Variants in TNFRSF25 observed in about 807,000 individuals in gnomAD.
TNFRSF25 encodes tumor necrosis factor receptor superfamily member 25.
Under a neutral mutation model 49.4 loss-of-function variants are expected in TNFRSF25, and 28 were observed. The ratio of observed to expected loss-of-function variants is 0.57; its 90% CI spans 0.42 to 0.78. The LOEUF is 0.78. Among genes scored for constraint, TNFRSF25 ranks in the 30% least tolerant of loss-of-function variants. The probability of loss-of-function intolerance (pLI) is 0.00; values close to 1 mark genes in which losing one functional copy is unlikely to be tolerated. For missense variants in TNFRSF25, 531 were observed against 581.6 expected, an observed-to-expected ratio of 0.91 and a Z score of 0.90; for synonymous variants, 240 against 234.2, an observed-to-expected ratio of 1.02 and a Z score of -0.23.
At position 6,464,532 on chromosome 1, in the gene TNFRSF25, C is replaced by A; in HGVS notation, c.463+20G>T. The A allele has an allele frequency of 6.2e-7, 1 of 1,613,726 alleles. No individual in the cohort carries two copies. The highest frequency in any genetic ancestry group is 8.5e-7 in the Non-Finnish European group (1 of 1,179,826). ...GAGAAGGGGGTCTGGGAGTAGAGAG[C>A]CCTGGGTGGGGGTACTCACAGAGTA... On this transcript the variant is annotated intron_variant, in intron 4 of 9. Coordinates refer to ENST00000356876, the MANE Select transcript of TNFRSF25 (RefSeq NM_003790.3).
In TNFRSF25 at chr1:6,466,093, C is replaced by G. The variant is rs773151409; in HGVS notation, c.15G>C (p.Pro5=). Residue 5 remains proline (P), a synonymous_variant, in exon 1 of 10, where the codon CCG becomes CCC. Coordinates refer to ENST00000356876, the MANE Select transcript of TNFRSF25 (RefSeq NM_003790.3). ...CCGCCGCCACCGCCGCGCAGCCCCG[C>G]GGCCGCTGCTCCATAGCCCTCCGAC... MEQR[P]RGCAAVAAAL... 4 of 1,574,112 alleles carry G rather than the reference C, an allele frequency of 2.5e-6. No homozygotes were observed. The highest frequency in any genetic ancestry group is 2.8e-5 in the African/African-American group (2 of 71,632).
chr1:6,461,895 G>A lies in TNFRSF25; in HGVS notation c.925+99C>T, dbSNP rs1325926753. On this transcript the variant is annotated intron_variant, in intron 9 of 9. Transcript: ENST00000356876. This position sits in a 1 kb window ranked among gnomAD's most constrained non-coding sequence, Gnocchi z 6.3. The stretch of plus-strand genomic sequence containing the variant: ...TGGGTCAGGGCATAGGGCGGACTCC[G>A]TCAGTTAGGGGGCAGAAAGGGAACA... 2.0e-5 allele frequency: 30 copies of A among 1,492,054 alleles called. No homozygotes were observed. The East Asian group carries it at 2.1e-4, about 11-fold the overall frequency. 92.4% of individuals were successfully genotyped at this position (1,492,054 alleles called of 1,614,324 possible). A position where few individuals can be genotyped will look rare whatever the true frequency, so the allele number is the denominator to read the frequency against.
At chr1:6,465,018 C>A in intron 3 of TNFRSF25, 70 bp downstream of exon 3, 8 of 1,556,384 alleles carry the variant, frequency 5.1e-6, no homozygotes, top group Non-Finnish European at 7.0e-6. Context: ...AGTTTGGGCC[C>A]GAGCCAGCCA....
chr1:6,462,892 T>A lies in TNFRSF25; in HGVS notation c.677A>T (p.His226Leu). 6.2e-7 allele frequency: 1 copy of A among 1,608,002 alleles called. No individual in the cohort carries two copies. Among genetic ancestry groups the A allele is most frequent in the Non-Finnish European group, 8.5e-7 (1 of 1,177,212 alleles). ...LGATLTYTYR[H>L]CWPHKPLVTA... ...AACCAGGGGCTTGTGAGGCCAGCAGTGGCGGTATGTGTAGGTCAGGGTGGC... is the reference window on the plus strand; with the variant it reads ...AACCAGGGGCTTGTGAGGCCAGCAGAGGCGGTATGTGTAGGTCAGGGTGGC... Residue 226 changes from histidine (H) to leucine (L), a missense_variant, in exon 7 of 10, where the codon CAC becomes CTC. Physicochemically the swap from His to Leu is moderately conservative, Grantham distance 99. Transcript: ENST00000356876. This position sits in a 1 kb window ranked among gnomAD's most constrained non-coding sequence, Gnocchi z 4.2.
Position 6,462,951 on chromosome 1 carries a change from G to A in TNFRSF25, c.618C>T (p.Leu206=). ...GGAGGGGGACCACAAGGCCAGCCAG[G>A]AGCACCTGGACCCAGAACACTGAAA... ...GWRQMFWVQV[L]LAGLVVPLLL... Residue 206 remains leucine, a synonymous_variant, in exon 7 of 10, where the codon CTC becomes CTT. Coordinates refer to ENST00000356876, the MANE Select transcript of TNFRSF25 (RefSeq NM_003790.3). This position sits in a 1 kb window ranked among gnomAD's most constrained non-coding sequence, Gnocchi z 4.2. 3.8e-6 allele frequency: 6 copies of A among 1,599,038 alleles called. No homozygotes were observed. Among genetic ancestry groups the A allele is most frequent in the Non-Finnish European group, 5.1e-6 (6 of 1,172,576 alleles).
chr1:6,464,688 T>C lies in TNFRSF25; in HGVS notation c.327A>G (p.Ala109=), dbSNP rs530783761. Reference sequence around the variant, plus strand: ...TACAGCCACAGCGGGTGTCGGCCACTGCTGAACAGTTCTCCAGCGCCACCT... The same window carrying C: ...TACAGCCACAGCGGGTGTCGGCCACCGCTGAACAGTTCTCCAGCGCCACCT... ...ASQVALENCS[A]VADTRCGCKP... The change falls in exon 4 of 10, where the codon GCA becomes GCG. Residue 109 remains alanine (A), a synonymous_variant. Transcript: ENST00000356876. The C allele has an allele frequency of 2.5e-5, 41 of 1,613,920 alleles. No individual in the cohort carries two copies. In the South Asian group the frequency reaches 4.4e-4, roughly 17 times the overall value.
At chr1:6,464,826 AAGAC>A (rs1216093632) in intron 3 of TNFRSF25, 107 bp from the exon 4 acceptor site, 33 of 1,396,806 alleles carry the variant, frequency 2.4e-5, no homozygotes, top group Admixed American at 1.0e-4. Flanking sequence ...AAATAGGCGA[AAGAC>A]AGACAGGTAC....
At chr1:6,464,512 G>A in intron 4 of TNFRSF25, 40 bp downstream of exon 4, 2 of 1,613,330 alleles carry the variant, frequency 1.2e-6, no homozygotes, top group Non-Finnish European at 1.7e-6. Flanking sequence ...GCAGGGAGAA[G>A]GGGGTCTGGG....
rs201559506 is a variant in TNFRSF25 at position 6,462,896 on chromosome 1, G to A, written c.673C>T (p.Arg225Cys). Reference sequence around the variant, plus strand: ...AGGGGCTTGTGAGGCCAGCAGTGGCGGTATGTGTAGGTCAGGGTGGCCCCA... The same window carrying A: ...AGGGGCTTGTGAGGCCAGCAGTGGCAGTATGTGTAGGTCAGGGTGGCCCCA... ...LLGATLTYTY[R>C]HCWPHKPLVT... Residue 225 changes from arginine to cysteine, a missense_variant, in exon 7 of 10, where the codon CGC becomes TGC. By Grantham distance (180) the Arg-to-Cys change is radical. Transcript: ENST00000356876. The surrounding 1 kb of genome is among the most constrained non-coding windows in gnomAD (Gnocchi z 4.2). 6.5e-5 allele frequency: 104 copies of A among 1,607,514 alleles called. No homozygotes were observed. The highest frequency in any genetic ancestry group is 7.7e-5 in the Non-Finnish European group (91 of 1,177,044).
Position 6,462,682 on chromosome 1 carries a change from A to G in TNFRSF25, c.707-16T>C. On this transcript the variant is annotated splice_polypyrimidine_tract_variant and intron_variant, in intron 7 of 9. Coordinates refer to ENST00000356876, the MANE Select transcript of TNFRSF25 (RefSeq NM_003790.3). The surrounding 1 kb of genome is among the most constrained non-coding windows in gnomAD (Gnocchi z 4.2). ...GCTTCATCTGCTGACAGACACAGAG[A>G]GATTGCGGTCAGCCACCAGGCAAGC... The G allele has an allele frequency of 6.2e-7, 1 of 1,613,034 alleles. No homozygotes were observed. Among genetic ancestry groups the G allele is most frequent in the Non-Finnish European group, 8.5e-7 (1 of 1,179,466 alleles).
At chr1:6,463,337 G>C (rs1644235858) in intron 5 of TNFRSF25, 2 of 607,450 alleles carry the variant, frequency 3.3e-6, no homozygotes, top group Non-Finnish European at 5.8e-6. Context: ...TCACTAGAAT[G>C]TCAACCCCAA....
In TNFRSF25 at chr1:6,464,389, G is replaced by C. The variant is rs372183159; in HGVS notation, c.528C>G (p.Cys176Trp). The change falls in exon 5 of 10, where the codon TGC (cysteine) becomes TGG (tryptophan). Residue 176 changes from cysteine (C) to tryptophan (W), a missense_variant. Coordinates refer to ENST00000356876, the MANE Select transcript of TNFRSF25 (RefSeq NM_003790.3). ...LPGFYEHGDG[C>W]VSCPTSTLGS... ...CTAGGAATTACGTGGGGCAGGACAC[G>C]CAGCCATCGCCATGTTCATAGAAGC... 6.2e-7 allele frequency: 1 copy of C among 1,609,888 alleles called. No homozygotes were observed. The highest frequency in any genetic ancestry group is 1.1e-5 in the South Asian group (1 of 90,126).
chr1:6,462,257 T>A lies in TNFRSF25; in HGVS notation c.745-83A>T. 1.3e-6 allele frequency: 2 copies of A among 1,494,180 alleles called. No homozygotes were observed. Among genetic ancestry groups the A allele is most frequent in the Non-Finnish European group, 1.8e-6 (2 of 1,115,960 alleles). 92.6% of individuals were successfully genotyped at this position (1,494,180 alleles called of 1,614,324 possible). ...GCAGTGCCTCTCCAGGAGGGGACAGTCCCTGGTTCAGTCAGCAGACACCCC... is the reference window on the plus strand; with the variant it reads ...GCAGTGCCTCTCCAGGAGGGGACAGACCCTGGTTCAGTCAGCAGACACCCC... On this transcript the variant is annotated intron_variant, in intron 8 of 9. Coordinates refer to ENST00000356876, the MANE Select transcript of TNFRSF25 (RefSeq NM_003790.3). This position sits in a 1 kb window ranked among gnomAD's most constrained non-coding sequence, Gnocchi z 4.2.
rs1395786424 is a variant in TNFRSF25 at position 6,461,757 on chromosome 1, C to G, written c.931G>C (p.Ala311Pro). 1 of 1,524,410 alleles carries G rather than the reference C, an allele frequency of 6.6e-7. No homozygotes were observed. The allele number at this position is 1,524,410 out of a possible 1,614,324, so 94.4% of individuals were successfully genotyped here. The change falls in exon 10 of 10, where the codon GCT becomes CCT. Residue 311 changes from alanine to proline, a missense_variant. By Grantham distance (27) the Ala-to-Pro change is conservative. Transcript: ENST00000356876. This position sits in a 1 kb window ranked among gnomAD's most constrained non-coding sequence, Gnocchi z 6.3. ...DQLPSRALGP[A>P]AAPTLSPESP... ...TCTGGCGAGAGTGTGGGCGCAGCAG[C>G]GGGGCCTGGGGCAGGGCCAGAGAGA...
intron 2 of TNFRSF25, 56 bp downstream of exon 2, chr1:6,465,384 C>T (rs1008534984): frequency 8.1e-6 from 13 of 1,610,080 alleles, no homozygotes; most frequent in South Asian, 3.3e-5. Flanking sequence ...CGGGCCTGCC[C>T]GCCACCTCTC....
At position 6,466,074 on chromosome 1, in the gene TNFRSF25, C is replaced by T. The variant is rs1011420576; in HGVS notation, c.34G>A (p.Ala12Thr). Residue 12 changes from alanine (A) to threonine (T), a missense_variant, in exon 1 of 10, where the codon GCG becomes ACG. Ala to Thr is a moderately conservative substitution (Grantham distance 58, BLOSUM62 0). Transcript: ENST00000356876. ...EQRPRGCAAV[A>T]AALLLVLLGA... is the part of the protein sequence containing the mutation. ...CCTCCTGCGTCTCAACTCACCGCCGCCACCGCCGCGCAGCCCCGCGGCCGC... is the reference window on the plus strand; with the variant it reads ...CCTCCTGCGTCTCAACTCACCGCCGTCACCGCCGCGCAGCCCCGCGGCCGC... 2 of 1,578,808 alleles carry T rather than the reference C, an allele frequency of 1.3e-6. No homozygotes were observed. The highest frequency in any genetic ancestry group is 1.4e-5 in the African/African-American group (1 of 71,930).
rs1161727454 is a variant in TNFRSF25 at position 6,465,562 on chromosome 1, TG to T, written c.40-3del. 1.9e-6 allele frequency: 3 copies of T among 1,612,016 alleles called. No homozygotes were observed. In the East Asian group the frequency reaches 6.7e-5, roughly 36 times the overall value. On this transcript the variant is annotated splice_polypyrimidine_tract_variant and splice_region_variant and intron_variant, in intron 1 of 9. Transcript: ENST00000356876. ...CCCCAGCAGCACCAGGAGGAGCGCCTGGGGGACAGGTGCTGCTGACTCTCAG... is the reference window on the plus strand; with the variant it reads ...CCCCAGCAGCACCAGGAGGAGCGCCTGGGGACAGGTGCTGCTGACTCTCAG...
In TNFRSF25 at chr1:6,465,681, C is replaced by T. The variant is rs1254024820; in HGVS notation, c.40-121G>A. 9 of 1,469,656 alleles carry T rather than the reference C, an allele frequency of 6.1e-6. No individual in the cohort carries two copies. The East Asian group carries it at 1.0e-4, about 16-fold the overall frequency. The allele number at this position is 1,469,656 out of a possible 1,614,324, so 91.0% of individuals were successfully genotyped here. A position where few individuals can be genotyped will look rare whatever the true frequency, so the allele number is the denominator to read the frequency against. The stretch of plus-strand genomic sequence containing the variant: ...ACAGAGCAGCCCACTTCCCAGGCCC[C>T]GGGCAGAAGGGGTGCCCATGGGTGG... On this transcript the variant is annotated intron_variant, in intron 1 of 9. Transcript: ENST00000356876.
intron 3 of TNFRSF25, 22 bp downstream of exon 3, chr1:6,465,066 C>G (rs1304143297): frequency 1.2e-6 from 2 of 1,603,648 alleles, no homozygotes; most frequent in East Asian, 2.2e-5. Context: ...AACTCCCTGC[C>G]AAGCACTGAG....
Sources: allele counts gnomAD v4.1 joint callset, GRCh38; gene constraint gnomAD v4.1.1; non-coding constraint Gnocchi (gnomAD v3.1); transcripts MANE v1.5; gene names NCBI Gene and HGNC (gene_info 2026-07-23, HGNC 2026-07-21).